Variants in NEK1 observed in about 807,000 individuals in gnomAD.
The protein encoded by NEK1 is NIMA related kinase 1, also known as serine/threonine-protein kinase Nek1.
A neutral mutation model predicts 182.1 loss-of-function variants in NEK1; 137 were observed. The observed-to-expected ratio is 0.75, with a 90% confidence interval of 0.65 to 0.87. The LOEUF is 0.87. Among genes scored for constraint, NEK1 ranks in the 40% least tolerant of loss-of-function variants. The pLI, the probability that NEK1 is intolerant of heterozygous loss-of-function variation, is 0.00. For missense variants in NEK1, 1,391 were observed against 1,494.4 expected (o/e 0.93, Z 1.14); for synonymous variants, 513 against 492.2 (o/e 1.04, Z -0.56).
intron 5 of NEK1, among the ~76,000 whole-genome samples, chr4:169,596,134 A>G (rs1769445943): frequency 6.6e-6 from 1 of 152,152 alleles, no homozygotes. Flanking sequence ...AATTTGGTAG[A>G]GAATGTATCG....
At chr4:169,591,146 C>CCG (rs1768421657) in intron 5 of NEK1, among the ~76,000 whole-genome samples, 2 of 144,538 alleles carry the variant, frequency 1.4e-5, no homozygotes, top group African/African-American at 5.5e-5. Flanking sequence ...TCTATAACGC[C>CCG]CCCCCCCCAC....
intron 31 of NEK1, among the ~76,000 whole-genome samples, chr4:169,413,578 T>C (rs780818271): frequency 6.6e-6 from 1 of 152,164 alleles, no homozygotes; most frequent in African/African-American, 2.4e-5. Context: ...AGTACAAATT[T>C]AAATGACCTT....
intron 10 of NEK1, among the ~76,000 whole-genome samples, chr4:169,582,289 G>A (rs1330551319): frequency 6.6e-6 from 1 of 151,926 alleles, no homozygotes; most frequent in African/African-American, 2.4e-5. Flanking sequence ...AAAATCCCTA[G>A]AGCAATTCTC....
At chr4:169,525,248 C>T (rs1222845695) in intron 19 of NEK1, among the ~76,000 whole-genome samples, 1 of 152,100 alleles carries the variant, frequency 6.6e-6, no homozygotes, top group Non-Finnish European at 1.5e-5. Context: ...CCTGCCTCAA[C>T]CTCCCAAGTA....
intron 20 of NEK1, 116 bp downstream of exon 20, chr4:169,508,653 C>T: frequency 1.3e-6 from 1 of 764,932 alleles, no homozygotes; most frequent in Non-Finnish European, 2.0e-6. Context: ...TAACAGGTCC[C>T]TACAGACCTA....
chr4:169,459,060 A>C (rs945932377), intron 27 of NEK1, among the ~76,000 whole-genome samples: 1 of 152,076 alleles, frequency 6.6e-6, no homozygotes, highest in Non-Finnish European at 1.5e-5. Flanking sequence ...AAAAAACCCA[A>C]TCCAAAACAC....
chr4:169,464,382 T>C (rs1452441765), intron 26 of NEK1, among the ~76,000 whole-genome samples: 1 of 152,116 alleles, frequency 6.6e-6, no homozygotes, highest in Non-Finnish European at 1.5e-5. Flanking sequence ...CAGAAGCAGC[T>C]GAGGGATCAG....
At chr4:169,424,862 T>C (rs978851732) in intron 30 of NEK1, 62 bp from the exon 31 acceptor site, 11 of 1,463,972 alleles carry the variant, frequency 7.5e-6, no homozygotes, top group Non-Finnish European at 9.1e-6. Context: ...CTAAATGATA[T>C]TGATAAGGCA....
chr4:169,591,986 C>A (rs72692986), intron 5 of NEK1, among the ~76,000 whole-genome samples: 13 of 150,276 alleles, frequency 8.7e-5, no homozygotes, highest in African/African-American at 2.9e-4. Context: ...AATGACGGGG[C>A]GAAAAAATGC....
chr4:169,602,551 C>CT lies in NEK1; in HGVS notation c.79_80insA (p.Gly27GlufsTer10). ...AATTTCCTTGATAACATACTGTCTG[C>CT]CATCTTCTGTAGATTTAACAAGAAT... On this transcript the variant is annotated frameshift_variant, in exon 3 of 36. Transcript: ENST00000507142. LOFTEE classifies it high-confidence loss of function. 1 of 1,605,702 alleles carries CT rather than the reference C, an allele frequency of 6.2e-7. No individual in the cohort carries two copies. The highest frequency in any genetic ancestry group is 2.2e-5 in the East Asian group (1 of 44,596).
At chr4:169,450,745 T>C (rs1249533138) in intron 27 of NEK1, among the ~76,000 whole-genome samples, 2 of 152,162 alleles carry the variant, frequency 1.3e-5, no homozygotes, top group African/African-American at 4.8e-5. Context: ...AGAAACTGCA[T>C]CAATTAATGG....
chr4:169,465,947 C>T (rs890311057), intron 26 of NEK1, among the ~76,000 whole-genome samples: 1 of 151,690 alleles, frequency 6.6e-6, no homozygotes, highest in African/African-American at 2.4e-5. Context: ...CATTTGGACA[C>T]CCCCAAAAAA....
chr4:169,464,155 A>G (rs1029875477), intron 26 of NEK1, among the ~76,000 whole-genome samples: 2 of 150,470 alleles, frequency 1.3e-5, no homozygotes, highest in African/African-American at 5.0e-5. Flanking sequence ...ATTTTCTTAC[A>G]CTTGTTCACA....
intron 26 of NEK1, among the ~76,000 whole-genome samples, chr4:169,469,081 A>AT (rs962196143): frequency 1.3e-4 from 19 of 151,032 alleles, no homozygotes; most frequent in East Asian, 1.9e-4. Flanking sequence ...GGATTCACTG[A>AT]TTTTTTTTTG....
At chr4:169,488,459 G>A (rs749201504) in intron 23 of NEK1, among the ~76,000 whole-genome samples, 2 of 152,036 alleles carry the variant, frequency 1.3e-5, no homozygotes, top group Non-Finnish European at 2.9e-5. Flanking sequence ...GTTTTTGTCA[G>A]GTTTTTCAAA....
intron 27 of NEK1, among the ~76,000 whole-genome samples, chr4:169,450,268 C>T (rs1579739260): frequency 6.6e-6 from 1 of 152,204 alleles, no homozygotes; most frequent in South Asian, 2.1e-4. Flanking sequence ...GGATATTATC[C>T]AGGAGAACTT....
At chr4:169,474,261 G>T (rs564478750) in intron 26 of NEK1, among the ~76,000 whole-genome samples, 1 of 152,228 alleles carries the variant, frequency 6.6e-6, no homozygotes, top group East Asian at 1.9e-4. Context: ...GGAGAGACTT[G>T]AATCATTAAA....
intron 16 of NEK1, among the ~76,000 whole-genome samples, chr4:169,557,357 A>G (rs1762305567): frequency 6.6e-6 from 1 of 152,154 alleles, no homozygotes; most frequent in Non-Finnish European, 1.5e-5. Context: ...AGATGTCAGA[A>G]AAGGATAAGG....
chr4:169,493,647 T>G (rs541398055), intron 23 of NEK1, among the ~76,000 whole-genome samples: 1 of 152,152 alleles, frequency 6.6e-6, no homozygotes, highest in Non-Finnish European at 1.5e-5. Flanking sequence ...CAAAATACAG[T>G]TGGAAGCCTT....
Sources: gnomAD v4.1 joint callset for allele counts (sites outside exome capture counted in the v4.1 genomes callset) on GRCh38, gnomAD v4.1.1 for gene constraint, MANE v1.5 for transcripts, NCBI Gene and HGNC (gene_info 2026-07-23, HGNC 2026-07-21) for gene names.